Variants in KAZN observed in about 807,000 individuals in gnomAD.
The protein encoded by KAZN is kazrin, periplakin interacting protein, also known as kazrin.
KAZN carries 40 observed loss-of-function variants against 87.4 expected under a neutral mutation model. That is an observed-to-expected ratio of 0.46 (90% CI 0.36 to 0.60). The LOEUF (loss-of-function observed/expected upper bound fraction) is 0.60, where lower values mean the gene tolerates loss of function less well. Ranked by LOEUF, KAZN falls within the 20% of genes least tolerant of loss-of-function variation. KAZN has a pLI of 0.00. For synonymous variants in KAZN, 466 were observed against 458.3 expected, an observed-to-expected ratio of 1.02 and a Z score of -0.22; for missense variants, 898 against 1,073.9, an observed-to-expected ratio of 0.84 and a Z score of 2.29.
At chr1:14,842,589 A>G (rs796652254) in intron 1 of KAZN, among the ~76,000 whole-genome samples, 4 of 152,352 alleles carry the variant, frequency 2.6e-5, no homozygotes, top group African/African-American at 9.6e-5. Context: ...ATTGCACTGA[A>G]TGGAATTGAC....
At chr1:14,592,546 A>G (rs1055585202) in intron 2 of KAZN, among the ~76,000 whole-genome samples, 7 of 152,232 alleles carry the variant, frequency 4.6e-5, no homozygotes, top group African/African-American at 1.7e-4. Context: ...TTTCACAAGC[A>G]GCTTCTGAGA....
chr1:14,156,742 T>C (rs1318951464), intron 1 of KAZN, among the ~76,000 whole-genome samples: 1 of 152,190 alleles, frequency 6.6e-6, no homozygotes, highest in Non-Finnish European at 1.5e-5. Context: ...AGGTGAAGCA[T>C]GTATCTTGAA....
chr1:13,994,007 G>T (rs6681501), intron 1 of KAZN, among the ~76,000 whole-genome samples: 21,372 of 152,218 alleles, frequency 0.14, 1,616 homozygotes, highest in Middle Eastern at 0.22. Flanking sequence ...CATCTGGAAT[G>T]AAGTCTGAAT....
At chr1:14,987,562 G>A (rs898033256) in intron 2 of KAZN, among the ~76,000 whole-genome samples, 9 of 152,180 alleles carry the variant, frequency 5.9e-5, no homozygotes, top group Admixed American at 2.6e-4. Flanking sequence ...GGAGGCCCCC[G>A]GAGCTCAGGG....
chr1:14,702,326 C>G (rs1011244504), intron 1 of KAZN, among the ~76,000 whole-genome samples: 1 of 133,282 alleles, frequency 7.5e-6, no homozygotes, highest in African/African-American at 2.8e-5. Context: ...TTTTGCAAAA[C>G]TGTGTGTGTG....
chr1:15,089,471 G>A (rs1310430836), intron 8 of KAZN, among the ~76,000 whole-genome samples: 1 of 152,126 alleles, frequency 6.6e-6, no homozygotes, highest in Admixed American at 6.5e-5. Context: ...GGAATGTAGT[G>A]GGAAGGAAGT....
At chr1:14,537,819 A>G (rs1371348177) in intron 2 of KAZN, among the ~76,000 whole-genome samples, 3 of 152,228 alleles carry the variant, frequency 2.0e-5, no homozygotes, top group African/African-American at 2.4e-5. Flanking sequence ...AAGGAGCAAT[A>G]GAGGGAAGAT....
At chr1:14,024,568 G>A (rs1398147395) in intron 1 of KAZN, among the ~76,000 whole-genome samples, 1 of 152,220 alleles carries the variant, frequency 6.6e-6, no homozygotes, top group Non-Finnish European at 1.5e-5. Flanking sequence ...CAGGAAAGAA[G>A]CAGGAACAGG....
intron 2 of KAZN, among the ~76,000 whole-genome samples, chr1:14,451,041 C>T (rs1667242126): frequency 6.6e-6 from 1 of 152,030 alleles, no homozygotes; most frequent in Non-Finnish European, 1.5e-5. Context: ...ACATGCCTGC[C>T]CCAACTTCAC....
At chr1:14,905,360 A>G (rs1189973071) in intron 1 of KAZN, among the ~76,000 whole-genome samples, 1 of 152,098 alleles carries the variant, frequency 6.6e-6, no homozygotes, top group Non-Finnish European at 1.5e-5. Flanking sequence ...CTGCGCCTGG[A>G]CAGGAAATGC....
At chr1:15,048,779 GTTGATCC>G (rs1450313873) in intron 4 of KAZN, among the ~76,000 whole-genome samples, 1 of 144,270 alleles carries the variant, frequency 6.9e-6, no homozygotes, top group Admixed American at 6.8e-5. Flanking sequence ...ATCCTGGGTC[GTTGATCC>G]TTGGTCATTG....
At chr1:15,043,099 T>TG (rs1216464777) in intron 3 of KAZN, among the ~76,000 whole-genome samples, 5 of 152,274 alleles carry the variant, frequency 3.3e-5, no homozygotes, top group African/African-American at 1.2e-4. Context: ...AGGGCCAGCC[T>TG]GGGGAGGGGC....
chr1:14,081,394 C>T (rs1256130452), intron 1 of KAZN, among the ~76,000 whole-genome samples: 1 of 152,080 alleles, frequency 6.6e-6, no homozygotes, highest in African/African-American at 2.4e-5. Context: ...ACATTTTAAA[C>T]AGCTCTTCCC....
At chr1:14,119,034 A>C (rs1438827657) in intron 1 of KAZN, among the ~76,000 whole-genome samples, 1 of 151,798 alleles carries the variant, frequency 6.6e-6, no homozygotes, top group Non-Finnish European at 1.5e-5. Flanking sequence ...AAAACAAACA[A>C]AAAAAACAAA....
intron 2 of KAZN, among the ~76,000 whole-genome samples, chr1:14,385,563 A>G (rs148147271): frequency 0.64 from 96,855 of 151,896 alleles, 31,364 homozygotes; most frequent in East Asian, 0.83. Flanking sequence ...CCTTCATTTC[A>G]TTATGTACTC....
In KAZN at chr1:15,050,281, G is replaced by T. The variant is rs372847867; in HGVS notation, c.727-5810G>T. Among the ~76,000 whole-genome samples the T allele has an allele frequency of 3.5e-4, 54 of 152,274 alleles. No homozygotes were observed. In the South Asian group the frequency reaches 0.011, roughly 30 times the overall value. On this transcript the variant is annotated intron_variant, in intron 4 of 14. Coordinates refer to ENST00000376030, the MANE Select transcript of KAZN (RefSeq NM_201628.3). ...GGCAGTGGGTGAATCAGGCAGGCAC[G>T]CTGCAGAACTCGGTCAGCGTTCACA...
chr1:14,557,629 G>GGGGTGT (rs1259650864), intron 2 of KAZN, among the ~76,000 whole-genome samples: 5 of 137,880 alleles, frequency 3.6e-5, no homozygotes, highest in African/African-American at 1.1e-4. Flanking sequence ...GGTGTGTGTG[G>GGGGTGT]GTGTGTGTGT....
intron 2 of KAZN, among the ~76,000 whole-genome samples, chr1:14,233,453 T>C (rs1648062787): frequency 6.6e-6 from 1 of 152,218 alleles, no homozygotes; most frequent in Non-Finnish European, 1.5e-5. Context: ...AAATTCTATA[T>C]TGATTGCTTG....
rs1020298483 is a variant in KAZN, at chr1:14,929,868, A to G, written c.227-30816A>G. ...CTCTGTCTCCCTTGTGGCGGCTTCT[A>G]TGAAGGTGGGGACTCCAGGCTTTCT... On this transcript the variant is annotated intron_variant, in intron 1 of 14. Transcript: ENST00000376030. The G allele has an allele frequency of 6.3e-5, 62 of 985,420 alleles. No individual in the cohort carries two copies. In the African/African-American group the frequency reaches 7.7e-4, roughly 12 times the overall value. 61.0% of individuals were successfully genotyped at this position (985,420 alleles called of 1,614,324 possible).
Sources: gnomAD v4.1 joint callset for allele counts (sites outside exome capture counted in the v4.1 genomes callset) on GRCh38, gnomAD v4.1.1 for gene constraint, MANE v1.5 for transcripts, NCBI Gene and HGNC (gene_info 2026-07-23, HGNC 2026-07-21) for gene names.